The following PSMA1 variants were observed in gnomAD, a reference collection of about 807,000 sequenced individuals.
The protein encoded by PSMA1 is proteasome subunit alpha type-1.
In PSMA1, 3 loss-of-function variants were observed where a neutral mutation model predicts 38.4. The ratio of observed to expected loss-of-function variants is 0.08; its 90% CI spans 0.04 to 0.20. The LOEUF is 0.20. PSMA1 is among the 10% of genes least tolerant of loss of function. The pLI is 1.00. For missense variants in PSMA1, 227 were observed against 325.3 expected (o/e 0.70, Z 2.32); for synonymous variants, 101 against 107.1 (o/e 0.94, Z 0.35).
chr11:14,569,563 C>A (rs1018299633), intron 2 of PSMA1, among the ~76,000 whole-genome samples: 7 of 152,224 alleles, frequency 4.6e-5, no homozygotes, highest in African/African-American at 1.7e-4. Flanking sequence ...GAGATTATAT[C>A]CCACGCCTGG....
Position 14,514,495 on chromosome 11 carries a change from A to G in PSMA1, c.255-4T>C. 1 of 1,539,766 alleles carries G rather than the reference A, an allele frequency of 6.5e-7. No homozygotes were observed. The highest frequency in any genetic ancestry group is 2.3e-5 in the East Asian group (1 of 43,060). ...ACACTCCTGACGCATAAAATTACTA[A>G]AAAAGAAACAAAAAAAGTTTAGTAA... On this transcript the variant is annotated splice_polypyrimidine_tract_variant and splice_region_variant and intron_variant, in intron 4 of 9. Transcript: ENST00000396394.
intron 1 of PSMA1, among the ~76,000 whole-genome samples, chr11:14,634,296 G>A (rs1005580904): frequency 6.6e-6 from 1 of 152,106 alleles, no homozygotes; most frequent in African/African-American, 2.4e-5. Context: ...AGTTATTTGT[G>A]TATGTCTTGT....
At chr11:14,589,910 A>C (rs1395336766) in intron 2 of PSMA1, among the ~76,000 whole-genome samples, 1 of 152,238 alleles carries the variant, frequency 6.6e-6, no homozygotes, top group East Asian at 1.9e-4. Context: ...CAACAGTAGC[A>C]GGACACCCAA....
intron 2 of PSMA1, among the ~76,000 whole-genome samples, chr11:14,608,297 G>A (rs1295027240): frequency 6.6e-6 from 1 of 152,156 alleles, no homozygotes; most frequent in East Asian, 1.9e-4. Flanking sequence ...GCTGCAGTGA[G>A]CTATGAGCCT....
chr11:14,519,287 A>AT (rs1297122164), intron 1 of PSMA1: 1 of 554,976 alleles, frequency 1.8e-6, no homozygotes, highest in Admixed American at 2.2e-5. Flanking sequence ...AACACCCTCC[A>AT]TATCAACCCC....
chr11:14,579,486 CTTTTTTTTTTTTTT>C (rs756980966), intron 2 of PSMA1, among the ~76,000 whole-genome samples: 29 of 112,524 alleles, frequency 2.6e-4, no homozygotes, highest in Non-Finnish European at 5.1e-4. Flanking sequence ...GCTGCAAAGA[CTTTTTTTTTTTTTT>C]TTTTTTTTTA....
At chr11:14,572,893 G>T (rs1009468146) in intron 2 of PSMA1, among the ~76,000 whole-genome samples, 2 of 152,144 alleles carry the variant, frequency 1.3e-5, no homozygotes, top group Admixed American at 1.3e-4. Context: ...ACACCTCTAC[G>T]CAAATAAACT....
chr11:14,587,918 A>G (rs1311543741), intron 2 of PSMA1, among the ~76,000 whole-genome samples: 1 of 152,204 alleles, frequency 6.6e-6, no homozygotes, highest in Admixed American at 6.5e-5. Context: ...AAAGGTGTTT[A>G]TCACATTACT....
chr11:14,584,551 C>T (rs949921774), intron 2 of PSMA1, among the ~76,000 whole-genome samples: 1 of 147,888 alleles, frequency 6.8e-6, no homozygotes, highest in African/African-American at 2.5e-5. Flanking sequence ...ACCTGCACTG[C>T]CTAACTCTTT....
At chr11:14,566,858 A>G (rs1033453708) in intron 2 of PSMA1, among the ~76,000 whole-genome samples, 8 of 151,934 alleles carry the variant, frequency 5.3e-5, no homozygotes, top group African/African-American at 1.9e-4. Context: ...GACAAATCAA[A>G]CCCTCAGGAG....
intron 2 of PSMA1, among the ~76,000 whole-genome samples, chr11:14,536,805 T>C (rs1851714670): frequency 6.6e-6 from 1 of 151,922 alleles, no homozygotes; most frequent in South Asian, 2.1e-4. Context: ...TTAGTAGAGA[T>C]GGGGTTTCAC....
intron 1 of PSMA1, among the ~76,000 whole-genome samples, chr11:14,618,614 T>C (rs1391953952): frequency 6.6e-6 from 1 of 152,208 alleles, no homozygotes; most frequent in Non-Finnish European, 1.5e-5. Flanking sequence ...TTTAAAGATG[T>C]CACCAAGGCC....
chr11:14,548,730 A>G (rs1351358859), intron 2 of PSMA1, among the ~76,000 whole-genome samples: 2 of 152,260 alleles, frequency 1.3e-5, no homozygotes, highest in East Asian at 1.9e-4. Context: ...CATATGTAAC[A>G]TAGGTAACCA....
intron 2 of PSMA1, among the ~76,000 whole-genome samples, chr11:14,562,321 T>C (rs1287218857): frequency 6.6e-6 from 1 of 152,246 alleles, no homozygotes; most frequent in Non-Finnish European, 1.5e-5. Context: ...TATAGCTTTT[T>C]TTCCCCCTTG....
chr11:14,593,774 A>G (rs1025421604), intron 2 of PSMA1, among the ~76,000 whole-genome samples: 2 of 152,184 alleles, frequency 1.3e-5, no homozygotes, highest in Middle Eastern at 3.4e-3. Flanking sequence ...CAGAAAGTTA[A>G]TTTTGGCATG....
At chr11:14,638,281 TC>T (rs1853135892) in intron 1 of PSMA1, among the ~76,000 whole-genome samples, 1 of 152,094 alleles carries the variant, frequency 6.6e-6, no homozygotes, top group East Asian at 1.9e-4. Context: ...ACACACGAAG[TC>T]ACATTATTTA....
intron 2 of PSMA1, among the ~76,000 whole-genome samples, chr11:14,607,893 T>C (rs1852662390): frequency 6.6e-6 from 1 of 152,176 alleles, no homozygotes; most frequent in Admixed American, 6.5e-5. Flanking sequence ...TAGCAGGAAG[T>C]GTGGCCTCAG....
At chr11:14,609,203 T>C (rs1198912489) in intron 2 of PSMA1, among the ~76,000 whole-genome samples, 2 of 152,212 alleles carry the variant, frequency 1.3e-5, no homozygotes, top group South Asian at 2.1e-4. Context: ...GTTGATACTA[T>C]AGGAAAATTA....
chr11:14,524,799 A>C (rs1851569132), upstream of PSMA1, among the ~76,000 whole-genome samples: 1 of 152,166 alleles, frequency 6.6e-6, no homozygotes, highest in African/African-American at 2.4e-5. Context: ...TCCTCAGACC[A>C]ACCAGCCCAA....
Sources: allele counts gnomAD v4.1 joint callset (sites outside exome capture counted in the v4.1 genomes callset), GRCh38; gene constraint gnomAD v4.1.1; transcripts MANE v1.5; gene names NCBI Gene and HGNC (gene_info 2026-07-23, HGNC 2026-07-21).